PTPRN2: variants seen among roughly 807,000 people sequenced by gnomAD.
The protein encoded by PTPRN2 is protein tyrosine phosphatase receptor type N2, also known as receptor-type tyrosine-protein phosphatase N2.
A neutral mutation model predicts 118.8 loss-of-function variants in PTPRN2; 74 were observed. That is an observed-to-expected ratio of 0.62 (90% confidence interval 0.52 to 0.76). The LOEUF is 0.76. PTPRN2 is among the 30% of genes least tolerant of loss of function. PTPRN2 has a pLI of 0.00. For synonymous variants in PTPRN2, 641 were observed against 608.0 expected (o/e 1.05, Z -0.80); for missense variants, 1,481 against 1,394.4 (o/e 1.06, Z -0.99).
intron 12 of PTPRN2, among the ~76,000 whole-genome samples, chr7:157,789,381 A>G (rs1396699458): frequency 1.3e-5 from 2 of 152,202 alleles, no homozygotes; most frequent in African/African-American, 4.8e-5. Context: ...TGGGACATCC[A>G]GGCCCCCTGG....
chr7:157,625,730 A>G (rs1163273803), intron 14 of PTPRN2, among the ~76,000 whole-genome samples: 1 of 152,236 alleles, frequency 6.6e-6, no homozygotes, highest in Admixed American at 6.5e-5. Flanking sequence ...ATGGAAAAAA[A>G]TCATAAAAAA....
intron 21 of PTPRN2, among the ~76,000 whole-genome samples, chr7:157,558,098 G>GTTTTTTTTTTTTTTTTTTGTT (rs1554491517): frequency 7.2e-6 from 1 of 138,130 alleles, no homozygotes; most frequent in Non-Finnish European, 1.6e-5. Context: ...AGGGGGGATT[G>GTTTTTTTTTTTTTTTTTTGTT]TTAAAAGGGA....
chr7:157,848,680 C>T (rs571282205), intron 12 of PTPRN2, among the ~76,000 whole-genome samples: 38 of 152,324 alleles, frequency 2.5e-4, no homozygotes, highest in African/African-American at 6.5e-4. Context: ...TGACGGCTTC[C>T]GCGGGATCCC....
chr7:157,699,595 T>A (rs986948565), intron 12 of PTPRN2, among the ~76,000 whole-genome samples: 1 of 152,172 alleles, frequency 6.6e-6, no homozygotes, highest in African/African-American at 2.4e-5. Flanking sequence ...AGTGAATTTT[T>A]TTTTGTATTT....
Position 157,609,553 on chromosome 7 carries a change from T to A in PTPRN2, c.2345-5478A>T, listed in dbSNP as rs959362572. Among the ~76,000 whole-genome samples, 2 of 152,142 alleles carry A rather than the reference T, an allele frequency of 1.3e-5. No individual in the cohort carries two copies. Among genetic ancestry groups the A allele is most frequent in the African/African-American group, 4.8e-5 (2 of 41,436 alleles). On this transcript the variant is annotated intron_variant, in intron 15 of 22. Coordinates refer to ENST00000389418, the MANE Select transcript of PTPRN2 (RefSeq NM_002847.5). This position sits in a 1 kb window ranked among gnomAD's most constrained non-coding sequence, Gnocchi z 4.9. ...TTTAGGCTGAAGAAACTAAGACTCA[T>A]AAGGATGGAACGATTCACGTGGCCA...
intron 2 of PTPRN2, among the ~76,000 whole-genome samples, chr7:158,394,585 T>C (rs531938000): frequency 1.3e-5 from 2 of 152,304 alleles, no homozygotes; most frequent in Admixed American, 1.3e-4. Flanking sequence ...GGTCTCTAAG[T>C]ACTGGCTGCT....
chr7:158,014,429 A>G (rs951775641), intron 11 of PTPRN2, among the ~76,000 whole-genome samples: 1 of 150,624 alleles, frequency 6.6e-6, no homozygotes, highest in South Asian at 2.1e-4. Context: ...CCACCTGCTC[A>G]TCTATTCATC....
In PTPRN2 at chr7:158,479,867, C is replaced by T. The variant is rs78944378; in HGVS notation, c.163+9868G>A. Among the ~76,000 whole-genome samples, 723 of 152,362 alleles carry T rather than the reference C, an allele frequency of 4.7e-3. 5 individuals carry two copies. Among genetic ancestry groups the T allele is most frequent in the African/African-American group, 0.016 (679 of 41,594 alleles). ...CAAGCCAGCTCTGCGGCGCAGTGGG[C>T]GTCATCCTCGCTGCTGTGGGAGCGG... is the stretch of plus-strand genomic sequence containing the variant. On this transcript the variant is annotated intron_variant, in intron 2 of 22. Transcript: ENST00000389418.
chr7:157,942,367 C>T lies in PTPRN2; in HGVS notation c.1724-43630G>A, dbSNP rs181070228. On this transcript the variant is annotated intron_variant, in intron 11 of 22. Transcript: ENST00000389418. ...GTTTTGCTCCCGCATCTGAGGGCTG[C>T]GTGTCACCTCACTGTGACTTCTGAC... is the stretch of plus-strand genomic sequence containing the variant. 2.8e-3 allele frequency among the ~76,000 whole-genome samples: 432 copies of T among 152,314 alleles called. 12 individuals carry two copies. The South Asian group carries it at 0.044, about 16-fold the overall frequency.
In PTPRN2 at chr7:157,576,702, G is replaced by T; in HGVS notation, c.2694C>A (p.Asn898Lys). The change falls in exon 19 of 23, where the codon AAC becomes AAA. Residue 898 changes from asparagine to lysine, a missense_variant. Transcript: ENST00000389418. ...RSFYLKNLQT[N>K]ETRTVTQFHF... is the part of the protein sequence containing the mutation. ...GGAACTGCGTCACGGTGCGCGTCTC[G>T]TTGGTCTGCAGGTTCTTCAGATAGA... 3 of 1,610,704 alleles carry T rather than the reference G, an allele frequency of 1.9e-6. No individual in the cohort carries two copies. The highest frequency in any genetic ancestry group is 2.5e-6 in the Non-Finnish European group (3 of 1,178,226).
intron 1 of PTPRN2, among the ~76,000 whole-genome samples, chr7:158,560,359 G>A (rs1011619801): frequency 3.3e-5 from 5 of 152,246 alleles, no homozygotes; most frequent in South Asian, 2.1e-4. Flanking sequence ...GTGTTTTAAC[G>A]CTTACCTCAT....
intron 3 of PTPRN2, among the ~76,000 whole-genome samples, chr7:158,314,519 C>T (rs1802129306): frequency 6.6e-6 from 1 of 152,286 alleles, no homozygotes; most frequent in Non-Finnish European, 1.5e-5. Flanking sequence ...CTGGCCTGCG[C>T]ACAGCACCCC....
In PTPRN2 at chr7:157,787,311, C is replaced by T. The variant is rs1467364069; in HGVS notation, c.1789-104374G>A. Among the ~76,000 whole-genome samples, 3 of 152,168 alleles carry T rather than the reference C, an allele frequency of 2.0e-5. No homozygotes were observed. Among genetic ancestry groups the T allele is most frequent in the Non-Finnish European group, 4.4e-5 (3 of 68,028 alleles). Reference sequence around the variant, plus strand: ...CGGGGATCAGGTGAGCAAGGGGGCTCATCCGTGGCCTCCAGGCCCCACCTT... The same window carrying T: ...CGGGGATCAGGTGAGCAAGGGGGCTTATCCGTGGCCTCCAGGCCCCACCTT... On this transcript the variant is annotated intron_variant, in intron 12 of 22. Coordinates refer to ENST00000389418, the MANE Select transcript of PTPRN2 (RefSeq NM_002847.5). The surrounding 1 kb of genome is among the most constrained non-coding windows in gnomAD (Gnocchi z 5.3).
At chr7:158,074,727 C>A (rs1482777094) in intron 11 of PTPRN2, among the ~76,000 whole-genome samples, 3 of 152,098 alleles carry the variant, frequency 2.0e-5, no homozygotes, top group Admixed American at 2.0e-4. Flanking sequence ...CCTGCTCTCC[C>A]CAGCAGTGAG....
chr7:157,805,803 GC>G (rs1462509229), intron 12 of PTPRN2, among the ~76,000 whole-genome samples: 1 of 152,194 alleles, frequency 6.6e-6, no homozygotes. Flanking sequence ...GGCCCCAGGA[GC>G]CCCCACCTTG....
At chr7:158,539,999 G>A in intron 1 of PTPRN2, 2 of 263,368 alleles carry the variant, frequency 7.6e-6, no homozygotes, top group Non-Finnish European at 1.5e-5. Flanking sequence ...GACATACTGT[G>A]AGCCTGGAGC....
intron 11 of PTPRN2, among the ~76,000 whole-genome samples, 169 bp from the exon 12 acceptor site, chr7:157,898,906 C>T (rs1395098845): frequency 6.6e-6 from 1 of 152,200 alleles, no homozygotes; most frequent in Admixed American, 6.5e-5. Context: ...GCACGAGGCC[C>T]CATTTTCCCA....
At chr7:158,170,837 A>G (rs62477449) in intron 5 of PTPRN2, among the ~76,000 whole-genome samples, 134,800 of 152,110 alleles carry the variant, frequency 0.89, 59,995 homozygotes, top group African/African-American at 0.97. Flanking sequence ...TACGAGCTTA[A>G]TGACCTTTGC....
chr7:158,363,337 G>A (rs1197762647), intron 2 of PTPRN2, among the ~76,000 whole-genome samples: 3 of 152,144 alleles, frequency 2.0e-5, no homozygotes, highest in African/African-American at 7.2e-5. Context: ...AGGATGCTCG[G>A]TTGCTTGGGG....
Sources: allele counts gnomAD v4.1 joint callset (sites outside exome capture counted in the v4.1 genomes callset), GRCh38; gene constraint gnomAD v4.1.1; non-coding constraint Gnocchi (gnomAD v3.1); transcripts MANE v1.5; gene names NCBI Gene and HGNC (gene_info 2026-07-23, HGNC 2026-07-21).